Variants in FOXP1 observed in about 807,000 individuals in gnomAD.
FOXP1 encodes the protein forkhead box P1.
In FOXP1, 15 loss-of-function variants were observed where a neutral mutation model predicts 98.2. The ratio of observed to expected loss-of-function variants is 0.15; its 90% CI spans 0.10 to 0.24. FOXP1 has a LOEUF of 0.24. Ranked by LOEUF, FOXP1 falls within the 10% of genes least tolerant of loss-of-function variation. The pLI, the probability that FOXP1 is intolerant of heterozygous loss-of-function variation, is 1.00. For synonymous variants in FOXP1, 371 were observed against 314.5 expected (o/e 1.18, Z -1.90); for missense variants, 633 against 848.5 (o/e 0.75, Z 3.15).
intron 4 of FOXP1, among the ~76,000 whole-genome samples, chr3:71,356,202 TCTGA>T (rs551643710): frequency 1.5e-3 from 207 of 140,872 alleles, no homozygotes; most frequent in South Asian, 9.6e-3. Flanking sequence ...AGGACCATTG[TCTGA>T]CTAAGTCAAA....
intron 6 of FOXP1, among the ~76,000 whole-genome samples, chr3:71,136,860 A>G (rs2059844186): frequency 1.3e-5 from 2 of 152,140 alleles, no homozygotes. Context: ...ATATATGTAC[A>G]TGGCTATCTA....
chr3:71,567,046 G>A (rs1177526701), intron 2 of FOXP1, among the ~76,000 whole-genome samples: 1 of 152,118 alleles, frequency 6.6e-6, no homozygotes, highest in Non-Finnish European at 1.5e-5. Context: ...CTGGAATGAT[G>A]AGGATAGGAA....
rs1485221084 is a variant in FOXP1 at position 70,962,783 on chromosome 3, A to AG, written c.1889+3106dup. Among the ~76,000 whole-genome samples the AG allele has an allele frequency of 8.5e-5, 13 of 152,268 alleles. No homozygotes were observed. The South Asian group carries it at 1.2e-3, about 15-fold the overall frequency. On this transcript the variant is annotated intron_variant, in intron 20 of 20. Coordinates refer to ENST00000649528, the MANE Select transcript of FOXP1 (RefSeq NM_001349338.3). ...TGTAAGATCATACAAGACCTTGGGG[A>AG]GGGGGAAGGAGGATGAGGACCCCTA...
chr3:71,341,494 C>G (rs1299674432), intron 4 of FOXP1, among the ~76,000 whole-genome samples: 1 of 152,102 alleles, frequency 6.6e-6, no homozygotes, highest in Admixed American at 6.5e-5. Context: ...AGAGGCAAGG[C>G]GTGGTGGCTA....
chr3:71,069,920 G>A (rs2107407836), intron 7 of FOXP1, among the ~76,000 whole-genome samples: 1 of 152,248 alleles, frequency 6.6e-6, no homozygotes, highest in South Asian at 2.1e-4. Flanking sequence ...CTGCAAAGAG[G>A]CAAAGGGAGC....
intron 6 of FOXP1, among the ~76,000 whole-genome samples, chr3:71,191,653 A>G (rs2062985080): frequency 6.6e-6 from 1 of 152,228 alleles, no homozygotes; most frequent in Non-Finnish European, 1.5e-5. Flanking sequence ...CAATATTTTG[A>G]TGGAAGGCAG....
At chr3:71,388,621 G>A (rs1484033635) in intron 3 of FOXP1, among the ~76,000 whole-genome samples, 1 of 151,968 alleles carries the variant, frequency 6.6e-6, no homozygotes, top group African/African-American at 2.4e-5. Flanking sequence ...GTTTCCTAAA[G>A]CACAAGGTAA....
intron 13 of FOXP1, among the ~76,000 whole-genome samples, chr3:71,000,256 T>C (rs1576020058): frequency 6.6e-6 from 1 of 151,876 alleles, no homozygotes; most frequent in East Asian, 1.9e-4. Context: ...TCCCTAGTCA[T>C]AAAGCACATT....
intron 13 of FOXP1, among the ~76,000 whole-genome samples, chr3:71,000,368 T>C (rs1336824502): frequency 6.6e-6 from 1 of 151,974 alleles, no homozygotes; most frequent in Admixed American, 6.6e-5. Context: ...GTTTAAGATG[T>C]GCACGGTGAA....
intron 5 of FOXP1, among the ~76,000 whole-genome samples, chr3:71,263,707 G>C (rs1466046267): frequency 6.6e-6 from 1 of 151,722 alleles, no homozygotes; most frequent in Non-Finnish European, 1.5e-5. Context: ...TAATAATAAT[G>C]ATCAGGTTGA....
At position 71,198,361 on chromosome 3, in the gene FOXP1, A is replaced by G; in HGVS notation, c.21T>C (p.Thr7=). 1 of 1,406,016 alleles carries G rather than the reference A, an allele frequency of 7.1e-7. No homozygotes were observed. Among genetic ancestry groups the G allele is most frequent in the Non-Finnish European group, 9.5e-7 (1 of 1,051,086 alleles). The allele number at this position is 1,406,016 out of a possible 1,614,324, so 87.1% of individuals were successfully genotyped here. MMQESG[T]ETKSNGSAIQ... ...TGGCTGAACCGTTACTTTTTGTCTCAGTCCCAGATTCTTGCATCATGACTC... is the reference window on the plus strand; with the variant it reads ...TGGCTGAACCGTTACTTTTTGTCTCGGTCCCAGATTCTTGCATCATGACTC... Residue 7 remains threonine (T), a synonymous_variant, in exon 6 of 21, where the codon ACT becomes ACC. Transcript: ENST00000649528.
chr3:71,175,116 A>G (rs2321506), intron 6 of FOXP1, among the ~76,000 whole-genome samples: 62,007 of 151,576 alleles, frequency 0.41, 13,547 homozygotes, highest in Middle Eastern at 0.58. Flanking sequence ...GTTTCACTAT[A>G]TTGGCCAGGC....
At chr3:71,259,533 T>G (rs1377764341) in intron 5 of FOXP1, among the ~76,000 whole-genome samples, 2 of 152,166 alleles carry the variant, frequency 1.3e-5, no homozygotes, top group African/African-American at 4.8e-5. Flanking sequence ...ACTTCCTAAG[T>G]CTATGATCCC....
intron 5 of FOXP1, among the ~76,000 whole-genome samples, chr3:71,291,378 T>A (rs1231112758): frequency 6.6e-6 from 1 of 152,232 alleles, no homozygotes; most frequent in Non-Finnish European, 1.5e-5. Flanking sequence ...CATGTTCTTT[T>A]TTCCATACAA....
intron 11 of FOXP1, among the ~76,000 whole-genome samples, chr3:71,016,326 C>T (rs773185933): frequency 1.1e-4 from 16 of 152,104 alleles, no homozygotes; most frequent in Non-Finnish European, 1.8e-4. Flanking sequence ...CCAATCAATA[C>T]GTAATGATCT....
chr3:71,468,359 C>T (rs1007394011), intron 3 of FOXP1, among the ~76,000 whole-genome samples: 3 of 151,988 alleles, frequency 2.0e-5, no homozygotes, highest in African/African-American at 7.3e-5. Flanking sequence ...GGTGAAGGAC[C>T]CCAACATTTC....
At chr3:71,298,267 C>T (rs982705754) in intron 5 of FOXP1, among the ~76,000 whole-genome samples, 4 of 152,024 alleles carry the variant, frequency 2.6e-5, no homozygotes, top group African/African-American at 9.7e-5. Flanking sequence ...GAGTTTGAGA[C>T]CAGCCTGACC....
At chr3:71,368,410 A>G (rs1395469857) in intron 3 of FOXP1, among the ~76,000 whole-genome samples, 2 of 152,188 alleles carry the variant, frequency 1.3e-5, no homozygotes, top group Non-Finnish European at 2.9e-5. Flanking sequence ...TACAGGCATG[A>G]GCCACCATGC....
intron 2 of FOXP1, among the ~76,000 whole-genome samples, chr3:71,567,571 A>T (rs892781916): frequency 2.0e-5 from 3 of 152,198 alleles, no homozygotes; most frequent in Non-Finnish European, 4.4e-5. Flanking sequence ...CCCTTAGGGA[A>T]GCTGTTAGCT....
Sources: gnomAD v4.1 joint callset for allele counts (sites outside exome capture counted in the v4.1 genomes callset) on GRCh38, gnomAD v4.1.1 for gene constraint, MANE v1.5 for transcripts, NCBI Gene and HGNC (gene_info 2026-07-23, HGNC 2026-07-21) for gene names.